UGT1A5: variants seen among roughly 807,000 people sequenced by gnomAD.
UGT1A5 encodes UDP-glucuronosyltransferase 1A5.
UGT1A5 carries 29 observed loss-of-function variants against 40.3 expected under a neutral mutation model. The observed-to-expected ratio is 0.72, with a 90% CI of 0.54 to 0.98. The LOEUF (loss-of-function observed/expected upper bound fraction) is 0.98, where lower values mean the gene tolerates loss of function less well. Among genes scored for constraint, UGT1A5 ranks in the 50% least tolerant of loss-of-function variants. UGT1A5 has a pLI of 0.00. For synonymous variants in UGT1A5, 257 were observed against 262.5 expected (o/e 0.98, Z 0.20); for missense variants, 678 against 677.9 (o/e 1.00, Z 0.00).
rs769331263 is a variant in UGT1A5 at position 233,772,705 on chromosome 2, C to A, written c.*146C>A. 6.8e-7 allele frequency: 1 copy of A among 1,474,690 alleles called. No homozygotes were observed. The highest frequency in any genetic ancestry group is 2.5e-5 in the East Asian group (1 of 40,596). The allele number at this position is 1,474,690 out of a possible 1,614,324, so 91.4% of individuals were successfully genotyped here. On this transcript the variant is annotated 3_prime_UTR_variant, in exon 5 of 5. Coordinates refer to ENST00000373414, the MANE Select transcript of UGT1A5 (RefSeq NM_019078.2). Reference sequence around the variant, plus strand: ...CAGCCCCAGAGTGCTTTAAAAAATTCTCTTAAATAAAAATAATAGACTCGC... The same window carrying A: ...CAGCCCCAGAGTGCTTTAAAAAATTATCTTAAATAAAAATAATAGACTCGC...
intron 1 of UGT1A5, chr2:233,719,760 T>C: frequency 1.2e-6 from 2 of 1,612,360 alleles, no homozygotes; most frequent in Non-Finnish European, 1.7e-6. Context: ...TACTTACAAG[T>C]GCTTCCATAT....
rs1437497782 is a variant in UGT1A5 at position 233,724,378 on chromosome 2, G to T, written c.867+10520G>T. Among the ~76,000 whole-genome samples the T allele has an allele frequency of 2.7e-3, 397 of 146,668 alleles. 3 individuals carry two copies. Among genetic ancestry groups the T allele is most frequent in the African/African-American group, 9.7e-3 (383 of 39,674 alleles). ...CCCTCCCGGACGGGGTGGCTGCCGG[G>T]CGGAGACGCTCCTCACTTCCCAGAT... On this transcript the variant is annotated intron_variant, in intron 1 of 4. Transcript: ENST00000373414.
chr2:233,722,321 T>A (rs28899187), intron 1 of UGT1A5, among the ~76,000 whole-genome samples: 12,148 of 152,290 alleles, frequency 0.08, 622 homozygotes, highest in East Asian at 0.2. Flanking sequence ...TTGGTTTGGT[T>A]GACCCTTAGA....
rs367562116 is a variant in UGT1A5, at chr2:233,765,371, G to A, written c.868-1663G>A. On this transcript the variant is annotated intron_variant, in intron 1 of 4. Coordinates refer to ENST00000373414, the MANE Select transcript of UGT1A5 (RefSeq NM_019078.2). Reference sequence around the variant, plus strand: ...GGAACCAACCCAGATGCCCATCAATGGTAGATTGGATAAAGAAAATGTGGT... The same window carrying A: ...GGAACCAACCCAGATGCCCATCAATAGTAGATTGGATAAAGAAAATGTGGT... Among the ~76,000 whole-genome samples, 7 of 152,230 alleles carry A rather than the reference G, an allele frequency of 4.6e-5. No homozygotes were observed. In the South Asian group the frequency reaches 1.0e-3, roughly 23 times the overall value.
intron 1 of UGT1A5, among the ~76,000 whole-genome samples, chr2:233,717,415 G>T (rs565971108): frequency 6.6e-6 from 1 of 152,182 alleles, no homozygotes; most frequent in Admixed American, 6.5e-5. Flanking sequence ...TGCCTCCCTT[G>T]AGCTGGGTGT....
At chr2:233,743,943 G>T in intron 1 of UGT1A5, 1 of 1,352,238 alleles carries the variant, frequency 7.4e-7, no homozygotes. Flanking sequence ...GGCCCACCAG[G>T]CACTGGCACA....
chr2:233,717,481 G>A (rs914906580), intron 1 of UGT1A5, among the ~76,000 whole-genome samples: 2 of 152,216 alleles, frequency 1.3e-5, no homozygotes, highest in Admixed American at 6.5e-5. Flanking sequence ...TCCAAAGGTG[G>A]AATCTGTTAT....
chr2:233,729,597 C>T (rs375083511), intron 1 of UGT1A5: 44 of 1,613,906 alleles, frequency 2.7e-5, no homozygotes, highest in East Asian at 1.8e-4. Context: ...TTAACCTCTG[C>T]GCGGCAGTGC....
At chr2:233,743,166 TA>T in intron 1 of UGT1A5, 1 of 363,344 alleles carries the variant, frequency 2.8e-6, no homozygotes, top group East Asian at 7.3e-5. Context: ...CAGATGTGCT[TA>T]AAGTCAAATG....
At chr2:233,731,273 A>G (rs1323685253) in intron 1 of UGT1A5, among the ~76,000 whole-genome samples, 1 of 147,192 alleles carries the variant, frequency 6.8e-6, no homozygotes. Flanking sequence ...TTGCCCTTCC[A>G]GTTTTTCTTT....
At chr2:233,718,796 T>A (rs1241026493) in intron 1 of UGT1A5, 7 of 1,613,058 alleles carry the variant, frequency 4.3e-6, no homozygotes, top group Non-Finnish European at 5.1e-6. Flanking sequence ...GGGTGGACAG[T>A]CAGCTGTCGG....
At chr2:233,725,185 C>G (rs113275054) in intron 1 of UGT1A5, among the ~76,000 whole-genome samples, 730 of 70,066 alleles carry the variant, frequency 0.01, 54 homozygotes, top group African/African-American at 0.042. Context: ...TGGGGAGAGG[C>G]AGAGGCAGAG....
At chr2:233,738,868 CT>C (rs1348396739) in intron 1 of UGT1A5, 1 of 152,334 alleles carries the variant, frequency 6.6e-6, no homozygotes, top group South Asian at 2.1e-4. Flanking sequence ...GGGAAAATGG[CT>C]CCAGGGCATG....
intron 1 of UGT1A5, chr2:233,747,418 T>A: frequency 6.2e-7 from 1 of 1,607,692 alleles, no homozygotes; most frequent in Non-Finnish European, 8.5e-7. Flanking sequence ...AATATGCACA[T>A]CAAACAAGAG....
At position 233,769,334 on chromosome 2, in the gene UGT1A5, AG is replaced by A. The variant is rs1261695807; in HGVS notation, c.1307+896del. Among the ~76,000 whole-genome samples the A allele has an allele frequency of 6.6e-6, 1 of 152,248 alleles. No individual in the cohort carries two copies. The highest frequency in any genetic ancestry group is 1.5e-5 in the Non-Finnish European group (1 of 68,042). ...CAAGCTCACTGGTAATAGGCTTATT[AG>A]AACCTTATGGGAAGAAGTGGTGGCC... On this transcript the variant is annotated intron_variant, in intron 4 of 4. Transcript: ENST00000373414. This position sits in a 1 kb window ranked among gnomAD's most constrained non-coding sequence, Gnocchi z 4.4.
intron 1 of UGT1A5, among the ~76,000 whole-genome samples, chr2:233,731,746 C>T (rs1439402729): frequency 6.6e-6 from 1 of 152,104 alleles, no homozygotes; most frequent in Non-Finnish European, 1.5e-5. Flanking sequence ...AATAAACATA[C>T]GTGTGCATGT....
chr2:233,755,241 A>T, intron 1 of UGT1A5: 1 of 865,322 alleles, frequency 1.2e-6, no homozygotes. Context: ...CTACCGGGGT[A>T]CTCCCAGCAC....
intron 1 of UGT1A5, among the ~76,000 whole-genome samples, chr2:233,758,923 C>T (rs1697018666): frequency 6.6e-6 from 1 of 152,192 alleles, no homozygotes; most frequent in Non-Finnish European, 1.5e-5. Context: ...TCATCTTTCC[C>T]TTTTGACTTC....
chr2:233,760,682 A>G lies in UGT1A5; in HGVS notation c.868-6352A>G. On this transcript the variant is annotated intron_variant, in intron 1 of 4. Transcript: ENST00000373414. ...TTGTCTGGCTGTTCCCACTTACTGC[A>G]CAACAAGGAGCTCATGGCCTCCCTG... The G allele has an allele frequency of 6.2e-7, 1 of 1,614,208 alleles. No homozygotes were observed. The highest frequency in any genetic ancestry group is 1.1e-5 in the South Asian group (1 of 91,088).
Sources: allele counts gnomAD v4.1 joint callset (sites outside exome capture counted in the v4.1 genomes callset), GRCh38; gene constraint gnomAD v4.1.1; non-coding constraint Gnocchi (gnomAD v3.1); transcripts MANE v1.5; gene names NCBI Gene and HGNC (gene_info 2026-07-23, HGNC 2026-07-21).